C4BPA: variants seen among roughly 807,000 people sequenced by gnomAD.
The protein encoded by C4BPA is complement component 4 binding protein alpha.
Under a neutral mutation model 63.7 loss-of-function variants are expected in C4BPA, and 31 were observed. That is an observed-to-expected ratio of 0.49 (90% CI 0.37 to 0.66). C4BPA has a LOEUF of 0.66. Among genes scored for constraint, C4BPA ranks in the 30% least tolerant of loss-of-function variants. The probability of loss-of-function intolerance (pLI) is 0.00; values close to 1 mark genes in which losing one functional copy is unlikely to be tolerated. For missense variants in C4BPA, 572 were observed against 723.3 expected, an observed-to-expected ratio of 0.79 and a Z score of 2.40; for synonymous variants, 259 against 254.7, an observed-to-expected ratio of 1.02 and a Z score of -0.16.
At chr1:207,118,213 G>GTCTATCTATCTATCTATCTATCTA (rs35838980) in intron 4 of C4BPA, among the ~76,000 whole-genome samples, 31 of 137,482 alleles carry the variant, frequency 2.3e-4, no homozygotes, top group Admixed American at 6.0e-4. Context: ...TCTATCATCT[G>GTCTATCTATCTATCTATCTATCTA]TCTATCTATC....
At chr1:207,125,217 A>C (rs191285316) in intron 6 of C4BPA, among the ~76,000 whole-genome samples, 2 of 152,360 alleles carry the variant, frequency 1.3e-5, no homozygotes, top group African/African-American at 4.8e-5. Flanking sequence ...AAGCGGCAAT[A>C]GCTGAGGGCA....
chr1:207,127,940 T>G (rs949769608), intron 7 of C4BPA, among the ~76,000 whole-genome samples: 1 of 152,130 alleles, frequency 6.6e-6, no homozygotes, highest in African/African-American at 2.4e-5. Flanking sequence ...GAAAATTACA[T>G]GACAGTATTT....
intron 8 of C4BPA, among the ~76,000 whole-genome samples, chr1:207,133,902 G>A (rs937995777): frequency 1.3e-5 from 2 of 152,210 alleles, no homozygotes; most frequent in African/African-American, 2.4e-5. Context: ...GACTTGAGAA[G>A]TATAAGTTAA....
intron 10 of C4BPA, 109 bp downstream of exon 10, chr1:207,141,385 G>T: frequency 2.5e-6 from 2 of 816,078 alleles, no homozygotes; most frequent in East Asian, 2.5e-5. Flanking sequence ...CATTTGATTT[G>T]ATTTATATTA....
rs957877226 is a variant in C4BPA, at chr1:207,116,699, T to TA, written c.428+1192dup. ...CTAAGGCCTTCCCCAATATAAGGTT[T>TA]AAAAAAAATCGCCTATATTTCCTCT... On this transcript the variant is annotated intron_variant, in intron 4 of 11. Coordinates refer to ENST00000367070, the MANE Select transcript of C4BPA (RefSeq NM_000715.4). 1.6e-3 allele frequency among the ~76,000 whole-genome samples: 248 copies of TA among 152,064 alleles called. 2 individuals are homozygous for TA. The highest frequency in any genetic ancestry group is 1.0e-3 in the South Asian group (5 of 4,814).
In C4BPA at chr1:207,114,162, A is replaced by G; in HGVS notation, c.205A>G (p.Thr69Ala). 1.2e-6 allele frequency: 2 copies of G among 1,613,888 alleles called. No homozygotes were observed. Among genetic ancestry groups the G allele is most frequent in the Non-Finnish European group, 1.7e-6 (2 of 1,179,838 alleles). ...AAPMDITLTETRFKTGTTLKY... is the reference protein window; with the variant it reads ...AAPMDITLTEARFKTGTTLKY... ...CCCGATGGATATTACGTTGACTGAG[A>G]CACGCTTCAAAACTGGAACTACTCT... Residue 69 changes from threonine (T) to alanine (A), a missense_variant, in exon 3 of 12, where the codon ACA becomes GCA. By Grantham distance (58) the Thr-to-Ala change is moderately conservative (BLOSUM62 0). Around this residue, in one of 2 missense-constraint regions of C4BPA, gnomAD observed 107 missense variants for 93.9 expected, o/e 1.14. Coordinates refer to ENST00000367070, the MANE Select transcript of C4BPA (RefSeq NM_000715.4).
intron 7 of C4BPA, among the ~76,000 whole-genome samples, chr1:207,129,648 G>A (rs1276781946): frequency 6.6e-6 from 1 of 152,130 alleles, no homozygotes; most frequent in Non-Finnish European, 1.5e-5. Context: ...AGAAAGAATG[G>A]AGGCTAGAAA....
chr1:207,141,312 G>A (rs760864743), intron 10 of C4BPA, 36 bp downstream of exon 10: 1 of 1,568,304 alleles, frequency 6.4e-7, no homozygotes, highest in Admixed American at 1.7e-5. Context: ...AAGATTAAGT[G>A]GGTGGACGTG....
At chr1:207,115,996 T>C (rs962081095) in intron 4 of C4BPA, among the ~76,000 whole-genome samples, 1 of 152,220 alleles carries the variant, frequency 6.6e-6, no homozygotes, top group Non-Finnish European at 1.5e-5. Context: ...TATTCTCTTG[T>C]ATGTGTGTCA....
At chr1:207,110,378 C>T (rs1453010650) in intron 1 of C4BPA, among the ~76,000 whole-genome samples, 1 of 152,054 alleles carries the variant, frequency 6.6e-6, no homozygotes, top group African/African-American at 2.4e-5. Flanking sequence ...ACCACAATAC[C>T]GAAAAGTTAG....
intron 4 of C4BPA, among the ~76,000 whole-genome samples, chr1:207,123,506 T>C (rs1684962747): frequency 6.6e-6 from 1 of 152,150 alleles, no homozygotes; most frequent in South Asian, 2.1e-4. Context: ...AGTGGTGAAC[T>C]GAAAGCTAAT....
Position 207,114,176 on chromosome 1 carries a change from T to G in C4BPA, c.219T>G (p.Thr73=). Residue 73 remains threonine, a synonymous_variant, in exon 3 of 12, where the codon ACT becomes ACG. Transcript: ENST00000367070. ...CGTTGACTGAGACACGCTTCAAAACTGGAACTACTCTGAAATACACCTGCC... is the reference window on the plus strand; with the variant it reads ...CGTTGACTGAGACACGCTTCAAAACGGGAACTACTCTGAAATACACCTGCC... The part of the protein sequence containing the change: ...DITLTETRFK[T]GTTLKYTCLP... 6 of 1,613,860 alleles carry G rather than the reference T, an allele frequency of 3.7e-6. No individual in the cohort carries two copies. Among genetic ancestry groups the G allele is most frequent in the Non-Finnish European group, 5.1e-6 (6 of 1,179,808 alleles).
intron 4 of C4BPA, among the ~76,000 whole-genome samples, chr1:207,116,494 CAG>C (rs1491465011): frequency 9.7e-5 from 13 of 134,046 alleles, no homozygotes; most frequent in South Asian, 2.4e-4. Flanking sequence ...ACTTTTCCCA[CAG>C]TGTGTGTGTG....
intron 2 of C4BPA, 152 bp from the exon 3 acceptor site, chr1:207,113,948 G>T: frequency 1.7e-6 from 1 of 597,710 alleles, no homozygotes; most frequent in South Asian, 2.4e-5. Context: ...TAGGTGTATT[G>T]AACAGAGAGT....
At chr1:207,124,652 T>C (rs1352169751) in intron 6 of C4BPA, among the ~76,000 whole-genome samples, 1 of 152,182 alleles carries the variant, frequency 6.6e-6, no homozygotes, top group Non-Finnish European at 1.5e-5. Context: ...TTACACTGAG[T>C]TTGTTCCATG....
Position 207,113,068 on chromosome 1 carries a change from A to G in C4BPA, c.43A>G (p.Arg15Gly), listed in dbSNP as rs756483735. The G allele has an allele frequency of 1.2e-6, 2 of 1,609,606 alleles. No individual in the cohort carries two copies. The highest frequency in any genetic ancestry group is 1.7e-6 in the Non-Finnish European group (2 of 1,178,410). Residue 15 changes from arginine (R) to glycine (G), a missense_variant, in exon 2 of 12, where the codon AGG (arginine) becomes GGG (glycine). By Grantham distance (125) the Arg-to-Gly change is moderately radical. Coordinates refer to ENST00000367070, the MANE Select transcript of C4BPA (RefSeq NM_000715.4). ...TCCATCTGGGGCTCTTCATAGAAAA[A>G]GGAAAATGGCAGCCTGGCCCTTCTC... ...KTPSGALHRK[R>G]KMAAWPFSRL...
At chr1:207,127,269 A>T (rs1685067342) in intron 7 of C4BPA, 2 of 154,694 alleles carry the variant, frequency 1.3e-5, no homozygotes, top group Admixed American at 1.3e-4. Flanking sequence ...GACAAATAAT[A>T]AATTGTCCTG....
At chr1:207,106,590 C>T (rs958212017) in intron 1 of C4BPA, among the ~76,000 whole-genome samples, 19 of 150,564 alleles carry the variant, frequency 1.3e-4, no homozygotes, top group Admixed American at 7.3e-4. Flanking sequence ...TACAGGCGCC[C>T]GCCACCACGC....
intron 3 of C4BPA, 127 bp downstream of exon 3, chr1:207,114,412 A>G (rs1684737117): frequency 1.6e-6 from 1 of 631,978 alleles, no homozygotes; most frequent in African/African-American, 2.0e-5. Context: ...CAATGTACAT[A>G]CTTGTGGCAT....
Sources: allele counts gnomAD v4.1 joint callset (sites outside exome capture counted in the v4.1 genomes callset), GRCh38; gene constraint gnomAD v4.1.1; regional missense constraint gnomAD v4.1.1; transcripts MANE v1.5; gene names NCBI Gene and HGNC (gene_info 2026-07-23, HGNC 2026-07-21).